DNAAF11: variants seen among roughly 807,000 people sequenced by gnomAD.
DNAAF11 encodes the protein leucine rich repeat containing 6.
Under a neutral mutation model 60.8 loss-of-function variants are expected in DNAAF11, and 45 were observed. The ratio of observed to expected loss-of-function variants is 0.74; its 90% CI spans 0.58 to 0.95. DNAAF11 has a LOEUF of 0.95. Ranked by LOEUF, DNAAF11 falls within the 40% of genes least tolerant of loss-of-function variation. The pLI is 0.00. For missense variants in DNAAF11, 546 were observed against 546.2 expected, an observed-to-expected ratio of 1.00 and a Z score of 0.00; for synonymous variants, 191 against 183.5, an observed-to-expected ratio of 1.04 and a Z score of -0.33.
the DNAAF11 span, among the ~76,000 whole-genome samples, chr8:132,685,902 A>ACCCT: frequency 6.6e-6 from 1 of 152,122 alleles, no homozygotes; most frequent in Non-Finnish European, 1.5e-5. Flanking sequence ...TAATCCAATG[A>ACCCT]CCCTTTTTTT....
chr8:132,612,375 A>G (rs969516009), intron 8 of DNAAF11, among the ~76,000 whole-genome samples: 2 of 152,212 alleles, frequency 1.3e-5, no homozygotes, highest in African/African-American at 4.8e-5. Context: ...TGGATTATGC[A>G]GTATTTTCCA....
chr8:132,696,330 C>G, the DNAAF11 span, among the ~76,000 whole-genome samples: 1 of 152,146 alleles, frequency 6.6e-6, no homozygotes, highest in Admixed American at 6.5e-5. Flanking sequence ...CTGGAACAAT[C>G]ACACGCTGTG....
chr8:132,575,434 AT>A (rs1380352206), intron 11 of DNAAF11, among the ~76,000 whole-genome samples: 15 of 152,350 alleles, frequency 9.8e-5, no homozygotes, highest in Non-Finnish European at 1.8e-4. Flanking sequence ...TTCAGCACAC[AT>A]CTTTTAGGTG....
At chr8:132,583,820 C>G in intron 10 of DNAAF11, 41 bp from the exon 11 acceptor site, 3 of 1,229,042 alleles carry the variant, frequency 2.4e-6, no homozygotes, top group Non-Finnish European at 3.6e-6. Flanking sequence ...GTGCATTACT[C>G]CTTGATGTAC....
upstream of DNAAF11, among the ~76,000 whole-genome samples, chr8:132,679,859 G>GT (rs1262357865): frequency 6.6e-6 from 1 of 152,184 alleles, no homozygotes; most frequent in Non-Finnish European, 1.5e-5. Context: ...ACGTGGAGCT[G>GT]TAAGTCCAGT....
intron 7 of DNAAF11, among the ~76,000 whole-genome samples, chr8:132,618,224 T>C (rs1396541628): frequency 1.4e-5 from 2 of 146,498 alleles, no homozygotes; most frequent in African/African-American, 2.5e-5. Flanking sequence ...TAAATGGTGC[T>C]GGGAAAACTG....
At chr8:132,615,497 C>A (rs1006350174) in intron 7 of DNAAF11, among the ~76,000 whole-genome samples, 1 of 152,056 alleles carries the variant, frequency 6.6e-6, no homozygotes, top group African/African-American at 2.4e-5. Flanking sequence ...CATTCTATTC[C>A]TTAAGTTTTA....
chr8:132,656,871 T>C lies in DNAAF11; in HGVS notation c.215A>G (p.Asn72Ser). ...VSKLKKLEYL[N>S]LALNNIEKIE... ...TTTTTCAATGTTGTTTAAAGCTAAATTCAAATATTCAAGTTTCTTGAGTTT... is the reference window on the plus strand; with the variant it reads ...TTTTTCAATGTTGTTTAAAGCTAAACTCAAATATTCAAGTTTCTTGAGTTT... Residue 72 changes from asparagine to serine, a missense_variant, in exon 3 of 12, where the codon AAT becomes AGT. Asn to Ser is a conservative substitution (Grantham distance 46). Coordinates refer to ENST00000620350, the MANE Select transcript of DNAAF11 (RefSeq NM_012472.6). The C allele has an allele frequency of 7.2e-7, 1 of 1,385,218 alleles. No homozygotes were observed. The highest frequency in any genetic ancestry group is 1.0e-6 in the Non-Finnish European group (1 of 989,058). The allele number at this position is 1,385,218 out of a possible 1,614,324, so 85.8% of individuals were successfully genotyped here.
At chr8:132,682,698 G>T in the DNAAF11 span, among the ~76,000 whole-genome samples, 1 of 152,152 alleles carries the variant, frequency 6.6e-6, no homozygotes, top group Non-Finnish European at 1.5e-5. Context: ...ATTTTGTGTT[G>T]CTATAAAGTA....
intron 11 of DNAAF11, among the ~76,000 whole-genome samples, chr8:132,582,481 C>A (rs571441163): frequency 6.6e-6 from 1 of 152,300 alleles, no homozygotes; most frequent in South Asian, 2.1e-4. Flanking sequence ...CAGACTCTTT[C>A]CATGTGTTGA....
At chr8:132,646,173 G>GC (rs1385435367) in intron 3 of DNAAF11, among the ~76,000 whole-genome samples, 112 of 152,218 alleles carry the variant, frequency 7.4e-4, no homozygotes, top group African/African-American at 2.6e-3. Flanking sequence ...GAGAGTGGGG[G>GC]CCAATATTCA....
upstream of DNAAF11, among the ~76,000 whole-genome samples, chr8:132,678,418 G>A (rs1319675155): frequency 3.3e-5 from 5 of 152,262 alleles, no homozygotes; most frequent in Admixed American, 6.5e-5. Context: ...GTAGTCACCC[G>A]TTTCCTGATT....
At chr8:132,646,404 A>G (rs1007433488) in intron 3 of DNAAF11, among the ~76,000 whole-genome samples, 10 of 152,180 alleles carry the variant, frequency 6.6e-5, no homozygotes, top group African/African-American at 2.4e-4. Flanking sequence ...AAAGACCACC[A>G]ATGCTAGGAA....
At chr8:132,613,894 T>C (rs1818899155) in intron 8 of DNAAF11, among the ~76,000 whole-genome samples, 1 of 152,242 alleles carries the variant, frequency 6.6e-6, no homozygotes, top group African/African-American at 2.4e-5. Context: ...AAGGCATTTA[T>C]TATAATTCAT....
chr8:132,689,355 C>T, the DNAAF11 span, among the ~76,000 whole-genome samples: 1 of 152,096 alleles, frequency 6.6e-6, no homozygotes, highest in Non-Finnish European at 1.5e-5. Context: ...GTGCCCAAAC[C>T]TGATTATCAG....
intron 10 of DNAAF11, among the ~76,000 whole-genome samples, chr8:132,601,203 C>T (rs534718328): frequency 2.3e-4 from 35 of 152,290 alleles, no homozygotes; most frequent in African/African-American, 8.4e-4. Context: ...CAGATAAATG[C>T]AAATCAAAAC....
Position 132,625,352 on chromosome 8 carries a change from C to A in DNAAF11, c.756G>T (p.Lys252Asn). ...TTGATTCAGGAGTAAACAAACAGGG[C>A]TTATTCCAGAATTCCAAGTCATCTT... ...NSEDDLEFWNKPCLFTPESRL... is the reference protein window; with the variant it reads ...NSEDDLEFWNNPCLFTPESRL... Residue 252 changes from lysine to asparagine, a missense_variant, in exon 6 of 12, where the codon AAG becomes AAT. Physicochemically the swap from Lys to Asn is moderately conservative, Grantham distance 94. Transcript: ENST00000620350. The A allele has an allele frequency of 6.2e-7, 1 of 1,613,340 alleles. No individual in the cohort carries two copies. The highest frequency in any genetic ancestry group is 8.5e-7 in the Non-Finnish European group (1 of 1,179,486).
intron 3 of DNAAF11, among the ~76,000 whole-genome samples, chr8:132,646,367 A>G (rs1445115123): frequency 1.3e-5 from 2 of 152,234 alleles, no homozygotes; most frequent in African/African-American, 4.8e-5. Context: ...AACCGGTACC[A>G]GCCACTGCAA....
intron 11 of DNAAF11, among the ~76,000 whole-genome samples, chr8:132,577,436 C>G (rs917238378): frequency 6.6e-6 from 1 of 152,150 alleles, no homozygotes. Flanking sequence ...AAGTCAGGTC[C>G]AAATGTCATC....
Sources: gnomAD v4.1 joint callset for allele counts (sites outside exome capture counted in the v4.1 genomes callset) on GRCh38, gnomAD v4.1.1 for gene constraint, MANE v1.5 for transcripts, NCBI Gene and HGNC (gene_info 2026-07-23, HGNC 2026-07-21) for gene names.